The following KLHL1 variants were observed in gnomAD, a reference collection of about 807,000 sequenced individuals.
The protein encoded by KLHL1 is kelch like family member 1, also known as kelch-like protein 1.
Under a neutral mutation model 77.7 loss-of-function variants are expected in KLHL1, and 47 were observed. The observed-to-expected ratio is 0.60, with a 90% confidence interval of 0.48 to 0.77. KLHL1 has a LOEUF of 0.77. Among genes scored for constraint, KLHL1 ranks in the 30% least tolerant of loss-of-function variants. The pLI is 0.00. For missense variants in KLHL1, 925 were observed against 910.8 expected, an observed-to-expected ratio of 1.02 and a Z score of -0.20; for synonymous variants, 360 against 325.2, an observed-to-expected ratio of 1.11 and a Z score of -1.15.
chr13:69,927,341 T>C (rs1882849037), intron 4 of KLHL1, among the ~76,000 whole-genome samples: 1 of 152,148 alleles, frequency 6.6e-6, no homozygotes, highest in Admixed American at 6.5e-5. Context: ...TGACCTTGGA[T>C]TGGTTAAACG....
intron 2 of KLHL1, among the ~76,000 whole-genome samples, chr13:69,961,849 C>A (rs867473422): frequency 1.3e-4 from 20 of 151,684 alleles, no homozygotes; most frequent in African/African-American, 3.6e-4. Flanking sequence ...TGTTCTTGTG[C>A]CAATAAAATA....
intron 1 of KLHL1, among the ~76,000 whole-genome samples, chr13:70,100,125 TGGA>T (rs1385169236): frequency 2.0e-5 from 3 of 152,058 alleles, no homozygotes; most frequent in Non-Finnish European, 4.4e-5. Flanking sequence ...ATAGATCAAC[TGGA>T]GAAGAATTAA....
intron 7 of KLHL1, among the ~76,000 whole-genome samples, chr13:69,756,409 A>G (rs1455784230): frequency 6.6e-6 from 1 of 152,186 alleles, no homozygotes; most frequent in African/African-American, 2.4e-5. Flanking sequence ...TAAATTCTTT[A>G]TGGTCATCAT....
chr13:69,742,002 C>T (rs1028248386), intron 7 of KLHL1, among the ~76,000 whole-genome samples: 1 of 152,072 alleles, frequency 6.6e-6, no homozygotes, highest in African/African-American at 2.4e-5. Flanking sequence ...ATCCACCTAC[C>T]CAATCTAGTT....
intron 1 of KLHL1, among the ~76,000 whole-genome samples, chr13:70,021,657 C>T (rs957912318): frequency 4.6e-5 from 7 of 152,098 alleles, no homozygotes; most frequent in Admixed American, 4.6e-4. Flanking sequence ...TCTTCTTCCA[C>T]GTCCTTGCCA....
At chr13:69,962,056 T>C (rs1157932598) in intron 2 of KLHL1, among the ~76,000 whole-genome samples, 1 of 151,714 alleles carries the variant, frequency 6.6e-6, no homozygotes, top group Non-Finnish European at 1.5e-5. Context: ...TTTTATTTTA[T>C]TTGGGGAGAC....
intron 8 of KLHL1, among the ~76,000 whole-genome samples, chr13:69,738,660 G>T (rs1250912251): frequency 6.6e-6 from 1 of 152,024 alleles, no homozygotes; most frequent in East Asian, 1.9e-4. Context: ...ATAACTTGAA[G>T]ACTATCTTGT....
intron 6 of KLHL1, among the ~76,000 whole-genome samples, chr13:69,811,965 T>C (rs1877901149): frequency 1.3e-5 from 2 of 152,164 alleles, no homozygotes; most frequent in Non-Finnish European, 2.9e-5. Context: ...TGTTTGCTCT[T>C]GCTTCTCTAG....
At chr13:69,732,608 A>C (rs1190342781) in intron 8 of KLHL1, among the ~76,000 whole-genome samples, 2 of 151,692 alleles carry the variant, frequency 1.3e-5, no homozygotes, top group African/African-American at 4.9e-5. Flanking sequence ...GCAGAGACTG[A>C]AAGACTAGAG....
chr13:69,929,464 A>C (rs1882927283), intron 4 of KLHL1, among the ~76,000 whole-genome samples: 1 of 151,912 alleles, frequency 6.6e-6, no homozygotes. Flanking sequence ...GGGGTAGCCT[A>C]GACTTTTGGC....
intron 1 of KLHL1, among the ~76,000 whole-genome samples, chr13:70,085,738 C>T (rs1328406905): frequency 1.3e-5 from 2 of 151,986 alleles, no homozygotes; most frequent in Non-Finnish European, 2.9e-5. Flanking sequence ...GTGGAAGGCA[C>T]CTGTAATCCC....
At chr13:70,060,617 G>A (rs1054751293) in intron 1 of KLHL1, among the ~76,000 whole-genome samples, 10 of 152,074 alleles carry the variant, frequency 6.6e-5, no homozygotes, top group African/African-American at 2.4e-4. Context: ...GCTGAGGCGC[G>A]TGGATCACTT....
intron 1 of KLHL1, among the ~76,000 whole-genome samples, chr13:70,024,509 G>A (rs1320240173): frequency 1.3e-5 from 2 of 151,636 alleles, no homozygotes; most frequent in African/African-American, 4.8e-5. Flanking sequence ...CTTTCTAGAA[G>A]TTTCTCCTCA....
At chr13:69,870,714 T>C (rs1000787391) in intron 5 of KLHL1, among the ~76,000 whole-genome samples, 18 of 151,796 alleles carry the variant, frequency 1.2e-4, no homozygotes, top group Non-Finnish European at 1.3e-4. Context: ...AAGAGACAAA[T>C]TGGCCCAAAG....
intron 1 of KLHL1, among the ~76,000 whole-genome samples, chr13:70,021,389 A>C (rs890350745): frequency 6.6e-6 from 1 of 152,034 alleles, no homozygotes; most frequent in Middle Eastern, 3.2e-3. Context: ...GGATATACCA[A>C]TGTTTATTAA....
chr13:69,713,234 C>A (rs1875962749), intron 9 of KLHL1, among the ~76,000 whole-genome samples: 3 of 152,148 alleles, frequency 2.0e-5, no homozygotes, highest in African/African-American at 7.2e-5. Context: ...ATCACATAAT[C>A]TTGAATACTG....
At chr13:69,820,385 C>T (rs1470152547) in intron 6 of KLHL1, among the ~76,000 whole-genome samples, 4 of 152,190 alleles carry the variant, frequency 2.6e-5, no homozygotes, top group South Asian at 4.2e-4. Context: ...TGCACATCAC[C>T]GTAAATAACT....
chr13:69,880,980 C>T (rs145161183), intron 5 of KLHL1, among the ~76,000 whole-genome samples: 148 of 152,174 alleles, frequency 9.7e-4, no homozygotes, highest in South Asian at 2.7e-3. Context: ...AAAGATTACC[C>T]GCCCAAACTC....
Position 69,889,656 on chromosome 13 carries a change from G to A in KLHL1, c.1015-7161C>T, listed in dbSNP as rs561847399. On this transcript the variant is annotated intron_variant, in intron 4 of 10. Coordinates refer to ENST00000377844, the MANE Select transcript of KLHL1 (RefSeq NM_020866.3). ...TCGCACAATATGGCATGGTGATTAT[G>A]GGTGATTTAATTTGGAGAGTTGGAC... Among the ~76,000 whole-genome samples, 9 of 152,050 alleles carry A rather than the reference G, an allele frequency of 5.9e-5. No homozygotes were observed. In the South Asian group the frequency reaches 1.2e-3, roughly 21 times the overall value.
Sources: gnomAD v4.1 joint callset for allele counts (sites outside exome capture counted in the v4.1 genomes callset) on GRCh38, gnomAD v4.1.1 for gene constraint, MANE v1.5 for transcripts, NCBI Gene and HGNC (gene_info 2026-07-23, HGNC 2026-07-21) for gene names.